The following CACNA1H variants were observed in gnomAD, a reference collection of about 807,000 sequenced individuals.
CACNA1H encodes the protein voltage-dependent T-type calcium channel subunit alpha-1H.
CACNA1H carries 149 observed loss-of-function variants against 192.5 expected under a neutral mutation model. The observed-to-expected ratio is 0.77, with a 90% CI of 0.68 to 0.89. CACNA1H has a LOEUF of 0.89. CACNA1H is among the 40% of genes least tolerant of loss of function. The probability of loss-of-function intolerance (pLI) is 0.00; values close to 1 mark genes in which losing one functional copy is unlikely to be tolerated. For synonymous variants in CACNA1H, 2,202 were observed against 1,475.2 expected (o/e 1.49, Z -11.29); for missense variants, 4,257 against 3,423.5 (o/e 1.24, Z -6.08).
chr16:1,168,654 C>T (rs907030772), intron 2 of CACNA1H, among the ~76,000 whole-genome samples: 1 of 152,068 alleles, frequency 6.6e-6, no homozygotes, highest in African/African-American at 2.4e-5. Flanking sequence ...CGTGCTCGGC[C>T]GAGTTGGCCC....
At chr16:1,171,694 C>CGA (rs1964383813) in intron 2 of CACNA1H, among the ~76,000 whole-genome samples, 1 of 152,172 alleles carries the variant, frequency 6.6e-6, no homozygotes, top group African/African-American at 2.4e-5. Flanking sequence ...GGCCGTGCCT[C>CGA]GGCCCACAGA....
intron 2 of CACNA1H, among the ~76,000 whole-genome samples, chr16:1,186,441 C>T (rs1002522924): frequency 4.6e-5 from 7 of 152,058 alleles, no homozygotes; most frequent in Non-Finnish European, 8.8e-5. Flanking sequence ...CGGACGATGC[C>T]GCGGCGTGGG....
At chr16:1,199,722 C>T (rs7184631) in intron 6 of CACNA1H, among the ~76,000 whole-genome samples, 4,114 of 150,730 alleles carry the variant, frequency 0.027, 82 homozygotes, top group Non-Finnish European at 0.043. Flanking sequence ...TCAGCCTTCA[C>T]CCCAGGGTCC....
chr16:1,219,227 G>GCAGGAGGAGGGTCGCACTGGGT, intron 34 of CACNA1H, 97 bp downstream of exon 34: 1 of 1,255,716 alleles, frequency 8.0e-7, no homozygotes, highest in East Asian at 2.6e-5. Flanking sequence ...CGAGGACAAG[G>GCAGGAGGAGGGTCGCACTGGGT]CAGGAGGAGG....
chr16:1,220,789 A>G lies in CACNA1H; in HGVS notation c.6857A>G (p.His2286Arg), dbSNP rs1232830795. 1.2e-6 allele frequency: 2 copies of G among 1,612,670 alleles called. No homozygotes were observed. The highest frequency in any genetic ancestry group is 1.3e-5 in the African/African-American group (1 of 75,008). ...PSGDPFLDGS[H>R]SVTPESRASS... Reference sequence around the variant, plus strand: ...GGAGACCCTTTCTTGGACGGTAGCCACAGTGTGACCCCAGAATCCAGAGCT... The same window carrying G: ...GGAGACCCTTTCTTGGACGGTAGCCGCAGTGTGACCCCAGAATCCAGAGCT... The change falls in exon 35 of 35, where the codon CAC becomes CGC. Residue 2286 changes from histidine to arginine, a missense_variant. Coordinates refer to ENST00000348261, the MANE Select transcript of CACNA1H (RefSeq NM_021098.3).
intron 34 of CACNA1H, 111 bp downstream of exon 34, chr16:1,219,241 G>C: frequency 2.7e-6 from 3 of 1,107,852 alleles, no homozygotes; most frequent in Non-Finnish European, 3.7e-6. Context: ...GAGGAGGGTC[G>C]CACTGGGTCC....
chr16:1,186,704 C>T (rs1418575230), intron 2 of CACNA1H, among the ~76,000 whole-genome samples: 1 of 152,182 alleles, frequency 6.6e-6, no homozygotes, highest in African/African-American at 2.4e-5. Context: ...CCCGTGGCAC[C>T]ACCGCCTCCT....
rs1284749551 is a variant in CACNA1H, at chr16:1,185,629, G to C, written c.300-9343G>C. 1.8e-4 allele frequency among the ~76,000 whole-genome samples: 26 copies of C among 141,002 alleles called. 1 individual carries two copies. Among genetic ancestry groups the C allele is most frequent in the Admixed American group, 4.1e-4 (6 of 14,552 alleles). The allele number at this position is 141,002 out of a possible 152,430, so 92.5% of individuals were successfully genotyped here. Reference sequence around the variant, plus strand: ...GTAGGGGCCGGAGGCGGGGTACGTGGGGGGCGGGCGAGTAGACGGTCGGCA... The same window carrying C: ...GTAGGGGCCGGAGGCGGGGTACGTGCGGGGCGGGCGAGTAGACGGTCGGCA... On this transcript the variant is annotated intron_variant, in intron 2 of 34. Coordinates refer to ENST00000348261, the MANE Select transcript of CACNA1H (RefSeq NM_021098.3).
At chr16:1,203,927 A>AC in intron 9 of CACNA1H, 83 bp from the exon 10 acceptor site, 1 of 1,006,094 alleles carries the variant, frequency 9.9e-7, no homozygotes, top group Non-Finnish European at 1.4e-6. Context: ...CATTCACCCC[A>AC]CCGCTCCTGT....
At chr16:1,204,674 G>A (rs1435278085) in intron 10 of CACNA1H, among the ~76,000 whole-genome samples, 1 of 151,712 alleles carries the variant, frequency 6.6e-6, no homozygotes, top group Admixed American at 6.6e-5. Flanking sequence ...CTAGACGGCA[G>A]CTGATTAGGC....
At chr16:1,166,247 G>A (rs1312383375) in intron 2 of CACNA1H, among the ~76,000 whole-genome samples, 1 of 152,192 alleles carries the variant, frequency 6.6e-6, no homozygotes, top group African/African-American at 2.4e-5. Flanking sequence ...GTCCGGAGTG[G>A]GGTCTTCACT....
intron 2 of CACNA1H, among the ~76,000 whole-genome samples, chr16:1,178,362 C>CA (rs1176113024): frequency 1.4e-5 from 2 of 147,396 alleles, no homozygotes; most frequent in African/African-American, 2.5e-5. Flanking sequence ...ATTCATATCT[C>CA]AGAGTCCTAA....
chr16:1,162,978 T>C (rs1259270146), intron 2 of CACNA1H, among the ~76,000 whole-genome samples: 2 of 152,218 alleles, frequency 1.3e-5, no homozygotes, highest in Non-Finnish European at 2.9e-5. Context: ...TATCCTTGGC[T>C]CCAGCCTCAA....
In CACNA1H at chr16:1,167,472, T is replaced by C. The variant is rs1963914263; in HGVS notation, c.299+13436T>C. 6.6e-6 allele frequency among the ~76,000 whole-genome samples: 1 copy of C among 152,164 alleles called. No individual in the cohort carries two copies. Among genetic ancestry groups the C allele is most frequent in the African/African-American group, 2.4e-5 (1 of 41,514 alleles). ...CCACACTTGGAATAAAAAAAAAAAT[T>C]ATTAATGAGCTTGGTGCGGTTGCCA... is the stretch of plus-strand genomic sequence containing the variant. On this transcript the variant is annotated intron_variant, in intron 2 of 34. Coordinates refer to ENST00000348261, the MANE Select transcript of CACNA1H (RefSeq NM_021098.3). This position sits in a 1 kb window ranked among gnomAD's most constrained non-coding sequence, Gnocchi z 4.2.
At chr16:1,159,250 C>A (rs912952845) in intron 2 of CACNA1H, among the ~76,000 whole-genome samples, 1 of 152,198 alleles carries the variant, frequency 6.6e-6, no homozygotes, top group African/African-American at 2.4e-5. Flanking sequence ...ATGGTCGGGG[C>A]CCCTCGGACG....
chr16:1,173,515 C>T (rs981952141), intron 2 of CACNA1H, among the ~76,000 whole-genome samples: 4 of 152,252 alleles, frequency 2.6e-5, no homozygotes, highest in African/African-American at 9.6e-5. Flanking sequence ...AAATTGTTTA[C>T]TAACTTAACC....
chr16:1,166,473 A>C (rs1311079944), intron 2 of CACNA1H, among the ~76,000 whole-genome samples: 1 of 152,028 alleles, frequency 6.6e-6, no homozygotes, highest in African/African-American at 2.4e-5. Context: ...AGTTTTATTG[A>C]GAGGTAATTT....
rs1285522943 is a variant in CACNA1H at position 1,220,547 on chromosome 16, G to T, written c.6615G>T (p.Arg2205=). The change falls in exon 35 of 35, where the codon CGG becomes CGT. Residue 2205 remains arginine, a synonymous_variant. Transcript: ENST00000348261. ...EPPAEDEGSA[R]PSAAEGGSTT... ...CTGCGGAGGACGAGGGCTCTGCGCG[G>T]CCCTCCGCGGCAGAGGGCGGCAGCA... 2 of 1,531,344 alleles carry T rather than the reference G, an allele frequency of 1.3e-6. No homozygotes were observed. The highest frequency in any genetic ancestry group is 1.7e-6 in the Non-Finnish European group (2 of 1,146,090). The allele number at this position is 1,531,344 out of a possible 1,614,324, so 94.9% of individuals were successfully genotyped here.
chr16:1,209,023 A>T lies in CACNA1H; in HGVS notation c.3364-9A>T. 1 of 1,485,544 alleles carries T rather than the reference A, an allele frequency of 6.7e-7. No individual in the cohort carries two copies. The allele number at this position is 1,485,544 out of a possible 1,614,324, so 92.0% of individuals were successfully genotyped here. A position where few individuals can be genotyped will look rare whatever the true frequency, so the allele number is the denominator to read the frequency against. ...TGCCACCAGGTCACTGACTCCCGCC[A>T]CCCCCCAGGCCAGCCTCCGAAGTTC... is the stretch of plus-strand genomic sequence containing the variant. On this transcript the variant is annotated splice_polypyrimidine_tract_variant and intron_variant, in intron 16 of 34. Coordinates refer to ENST00000348261, the MANE Select transcript of CACNA1H (RefSeq NM_021098.3).
Sources: allele counts gnomAD v4.1 joint callset (sites outside exome capture counted in the v4.1 genomes callset), GRCh38; gene constraint gnomAD v4.1.1; non-coding constraint Gnocchi (gnomAD v3.1); transcripts MANE v1.5; gene names NCBI Gene and HGNC (gene_info 2026-07-23, HGNC 2026-07-21).